Variants in VAT1L observed in about 807,000 individuals in gnomAD.
VAT1L encodes the protein vesicle amine transport 1 like, also known as putative NADPH-dependent quinone oxidoreductase VAT1L.
In VAT1L, 34 loss-of-function variants were observed where a neutral mutation model predicts 44.1. The ratio of observed to expected loss-of-function variants is 0.77; its 90% CI spans 0.59 to 1.03. The LOEUF (loss-of-function observed/expected upper bound fraction) is 1.03, where lower values mean the gene tolerates loss of function less well. Ranked by LOEUF, VAT1L falls within the 50% of genes least tolerant of loss-of-function variation. The pLI is 0.00. For synonymous variants in VAT1L, 253 were observed against 202.2 expected (o/e 1.25, Z -2.13); for missense variants, 615 against 538.8 (o/e 1.14, Z -1.40).
chr16:77,872,680 C>T (rs2017044948), intron 4 of VAT1L, among the ~76,000 whole-genome samples: 1 of 152,192 alleles, frequency 6.6e-6, no homozygotes. Context: ...GTTCCCTCTG[C>T]TGCCAACCCT....
At chr16:77,911,233 A>C (rs757635350) in intron 7 of VAT1L, among the ~76,000 whole-genome samples, 1 of 152,232 alleles carries the variant, frequency 6.6e-6, no homozygotes, top group Non-Finnish European at 1.5e-5. Context: ...AGTTGGGAAG[A>C]AAAAGGAAAA....
chr16:77,836,067 A>G (rs1458603161), intron 3 of VAT1L, among the ~76,000 whole-genome samples: 1 of 152,104 alleles, frequency 6.6e-6, no homozygotes, highest in African/African-American at 2.4e-5. Flanking sequence ...TGCCAGCCTT[A>G]GGTATTACTT....
intron 3 of VAT1L, among the ~76,000 whole-genome samples, chr16:77,839,318 G>A (rs937847234): frequency 1.1e-4 from 16 of 151,692 alleles, no homozygotes; most frequent in Non-Finnish European, 2.2e-4. Flanking sequence ...GGCAGATCAC[G>A]AGGTCAGGAG....
chr16:77,799,382 CTCTT>C (rs1399231152), intron 1 of VAT1L, among the ~76,000 whole-genome samples: 3 of 152,006 alleles, frequency 2.0e-5, no homozygotes, highest in African/African-American at 7.2e-5. Flanking sequence ...CCTCTCTCTC[CTCTT>C]TCTCTCTCTG....
intron 3 of VAT1L, among the ~76,000 whole-genome samples, chr16:77,832,173 G>C (rs1421089276): frequency 6.6e-6 from 1 of 151,806 alleles, no homozygotes; most frequent in African/African-American, 2.4e-5. Context: ...GCAATGTCAG[G>C]TGTTGGCATT....
At chr16:77,875,030 C>G (rs1008955319) in intron 4 of VAT1L, among the ~76,000 whole-genome samples, 1 of 152,154 alleles carries the variant, frequency 6.6e-6, no homozygotes, top group African/African-American at 2.4e-5. Context: ...GTAAACCCTG[C>G]AGGTTATTAC....
intron 3 of VAT1L, among the ~76,000 whole-genome samples, chr16:77,841,651 T>G (rs973322145): frequency 2.0e-5 from 3 of 151,976 alleles, no homozygotes; most frequent in Non-Finnish European, 4.4e-5. Context: ...CTTTTTAGAG[T>G]GGGCTTCATT....
chr16:77,899,086 A>C (rs1037230710), intron 7 of VAT1L, among the ~76,000 whole-genome samples: 2 of 152,226 alleles, frequency 1.3e-5, no homozygotes, highest in Admixed American at 1.3e-4. Context: ...CACTGTGCTG[A>C]GCACTTTACA....
rs35200345 is a variant in VAT1L, at chr16:77,824,755, CAA to C, written c.364-477_364-476del. On this transcript the variant is annotated intron_variant, in intron 2 of 8. Transcript: ENST00000302536. ...TGGGTGACAGAGCGAGACTCCATCT[CAA>C]AAAAAAAAAAAAATGATTGTGATAC... Among the ~76,000 whole-genome samples, 90 of 111,246 alleles carry C rather than the reference CAA, an allele frequency of 8.1e-4. 1 individual carries two copies. The highest frequency in any genetic ancestry group is 1.7e-3 in the African/African-American group (48 of 28,666). The allele number at this position is 111,246 out of a possible 152,430, so 73.0% of individuals were successfully genotyped here. A position where few individuals can be genotyped will look rare whatever the true frequency, so the allele number is the denominator to read the frequency against.
chr16:77,808,961 C>A (rs555099811), intron 1 of VAT1L, among the ~76,000 whole-genome samples: 3 of 152,264 alleles, frequency 2.0e-5, no homozygotes, highest in African/African-American at 7.2e-5. Flanking sequence ...CTTTGGGCAT[C>A]CACTACCTAG....
intron 1 of VAT1L, among the ~76,000 whole-genome samples, chr16:77,806,431 G>A (rs1300748668): frequency 1.3e-5 from 2 of 150,802 alleles, no homozygotes; most frequent in African/African-American, 4.9e-5. Context: ...GCATGGTCTC[G>A]ATTTCCTGAC....
intron 7 of VAT1L, among the ~76,000 whole-genome samples, chr16:77,949,405 G>GA (rs915132735): frequency 6.6e-6 from 1 of 152,126 alleles, no homozygotes; most frequent in African/African-American, 2.4e-5. Flanking sequence ...GGGCATCCTA[G>GA]AAAAAAGAAT....
chr16:77,892,742 A>T lies in VAT1L; in HGVS notation c.1077+7940A>T, dbSNP rs569537540. 4.0e-6 allele frequency: 3 copies of T among 752,444 alleles called. No homozygotes were observed. The African/African-American group carries it at 5.1e-5, about 13-fold the overall frequency. 46.6% of individuals were successfully genotyped at this position (752,444 alleles called of 1,614,324 possible). On this transcript the variant is annotated intron_variant, in intron 7 of 8. Transcript: ENST00000302536. ...CATGGCAAATACTGGACCCAGCACA[A>T]ATGGTTTCTAGTTTTTCATCTGTAC...
chr16:77,975,001 C>T (rs968526602), intron 8 of VAT1L, among the ~76,000 whole-genome samples: 6 of 151,838 alleles, frequency 4.0e-5, no homozygotes, highest in Admixed American at 6.6e-5. Flanking sequence ...GGAAAGGGAG[C>T]ATGTCTTGAG....
chr16:77,977,316 T>G (rs1366016829), intron 8 of VAT1L, among the ~76,000 whole-genome samples: 1 of 152,212 alleles, frequency 6.6e-6, no homozygotes, highest in Non-Finnish European at 1.5e-5. Flanking sequence ...TAACATACCC[T>G]GCATTGGATT....
chr16:77,855,937 G>A (rs2016854084), intron 3 of VAT1L, among the ~76,000 whole-genome samples: 2 of 152,134 alleles, frequency 1.3e-5, no homozygotes, highest in South Asian at 4.1e-4. Context: ...AGAATTGCTT[G>A]AACACAGGAG....
chr16:77,923,954 C>A (rs961366000), intron 7 of VAT1L, among the ~76,000 whole-genome samples: 11 of 152,164 alleles, frequency 7.2e-5, no homozygotes, highest in South Asian at 4.2e-4. Context: ...TGCCTTCCCC[C>A]CCTCCCTTCC....
At chr16:77,924,335 C>T (rs1208882432) in intron 7 of VAT1L, among the ~76,000 whole-genome samples, 2 of 152,106 alleles carry the variant, frequency 1.3e-5, no homozygotes, top group African/African-American at 4.8e-5. Flanking sequence ...CCATAAGATG[C>T]CCCTCCCTGG....
chr16:77,933,856 T>C (rs1407289442), intron 7 of VAT1L, among the ~76,000 whole-genome samples: 1 of 152,152 alleles, frequency 6.6e-6, no homozygotes, highest in African/African-American at 2.4e-5. Context: ...ATAGCCTAGG[T>C]CAGAGAAGTA....
Sources: gnomAD v4.1 joint callset for allele counts (sites outside exome capture counted in the v4.1 genomes callset) on GRCh38, gnomAD v4.1.1 for gene constraint, MANE v1.5 for transcripts, NCBI Gene and HGNC (gene_info 2026-07-23, HGNC 2026-07-21) for gene names.